Variants in DPYD observed in about 807,000 individuals in gnomAD.
DPYD encodes dihydropyrimidine dehydrogenase [NADP(+)].
DPYD carries 109 observed loss-of-function variants against 116.2 expected under a neutral mutation model. The observed-to-expected ratio is 0.94, with a 90% CI of 0.80 to 1.10. The LOEUF is 1.10. DPYD is among the 50% of genes least tolerant of loss of function. The pLI, the probability that DPYD is intolerant of heterozygous loss-of-function variation, is 0.00. For synonymous variants in DPYD, 440 were observed against 432.0 expected (o/e 1.02, Z -0.23); for missense variants, 1,302 against 1,254.5 (o/e 1.04, Z -0.57).
At chr1:97,389,129 A>G (rs985283892) in intron 14 of DPYD, among the ~76,000 whole-genome samples, 1 of 151,978 alleles carries the variant, frequency 6.6e-6, no homozygotes, top group African/African-American at 2.4e-5. Flanking sequence ...TATGAGGAAG[A>G]GATAAAATGT....
In DPYD at chr1:97,415,998, A is replaced by G. The variant is rs1224228870; in HGVS notation, c.1906-33537T>C. On this transcript the variant is annotated intron_variant, in intron 14 of 22. Transcript: ENST00000370192. ...TGAGTCGTACTCCTGATTAGTAGAT[A>G]AGGTAACTATTCAATAATACCTGTC... is the stretch of plus-strand genomic sequence containing the variant. 2.0e-5 allele frequency among the ~76,000 whole-genome samples: 3 copies of G among 152,170 alleles called. No individual in the cohort carries two copies. In the East Asian group the frequency reaches 5.8e-4, roughly 29 times the overall value.
intron 20 of DPYD, among the ~76,000 whole-genome samples, chr1:97,142,498 G>T (rs1211127841): frequency 2.0e-5 from 3 of 152,064 alleles, no homozygotes; most frequent in African/African-American, 7.2e-5. Context: ...AGAAACAAAA[G>T]ATTCCAGAGA....
intron 16 of DPYD, among the ~76,000 whole-genome samples, chr1:97,354,076 A>G (rs1558050027): frequency 6.6e-6 from 1 of 152,234 alleles, no homozygotes; most frequent in Non-Finnish European, 1.5e-5. Context: ...AATTGCTGTG[A>G]GAATTAAATG....
At position 97,563,014 on chromosome 1, in the gene DPYD, C is replaced by T. The variant is rs955307518; in HGVS notation, c.1339+10746G>A. 1.3e-5 allele frequency among the ~76,000 whole-genome samples: 2 copies of T among 152,164 alleles called. 1 individual carries two copies. Among genetic ancestry groups the T allele is most frequent in the South Asian group, 4.2e-4 (2 of 4,816 alleles). ...GATTACAGGCGTGAGCCACCATGCC[C>T]GGCCAAATATCTAATTTAACCAGAG... On this transcript the variant is annotated intron_variant, in intron 11 of 22. Transcript: ENST00000370192.
In DPYD at chr1:97,203,672, C is replaced by T. The variant is rs1284540734; in HGVS notation, c.2443-10424G>A. On this transcript the variant is annotated intron_variant, in intron 19 of 22. Coordinates refer to ENST00000370192, the MANE Select transcript of DPYD (RefSeq NM_000110.4). Reference sequence around the variant, plus strand: ...AAAGGATGAGTTCAGACCCCCCCCCCCCAAAAAAAAAAAAAGAGAAAAAGT... The same window carrying T: ...AAAGGATGAGTTCAGACCCCCCCCCTCCAAAAAAAAAAAAAGAGAAAAAGT... Among the ~76,000 whole-genome samples the T allele has an allele frequency of 3.5e-5, 2 of 57,914 alleles. 1 individual carries two copies. The highest frequency in any genetic ancestry group is 7.1e-5 in the Non-Finnish European group (2 of 28,350). 38.0% of individuals were successfully genotyped at this position (57,914 alleles called of 152,430 possible).
At chr1:97,908,154 T>C (rs1032841742) in intron 1 of DPYD, among the ~76,000 whole-genome samples, 1 of 151,948 alleles carries the variant, frequency 6.6e-6, no homozygotes, top group Non-Finnish European at 1.5e-5. Flanking sequence ...CAAGCAATCC[T>C]CCCGCCTCAG....
intron 20 of DPYD, among the ~76,000 whole-genome samples, chr1:97,165,848 A>G (rs1348536465): frequency 6.6e-6 from 1 of 152,188 alleles, no homozygotes; most frequent in Non-Finnish European, 1.5e-5. Flanking sequence ...CATTAGATAA[A>G]TGCAAATCAA....
At chr1:97,384,459 T>A (rs1012665817) in intron 14 of DPYD, among the ~76,000 whole-genome samples, 1 of 152,014 alleles carries the variant, frequency 6.6e-6, no homozygotes, top group Non-Finnish European at 1.5e-5. Flanking sequence ...GTAACTAGCA[T>A]GGTATTTGGC....
At chr1:97,557,078 G>T (rs938346245) in intron 11 of DPYD, among the ~76,000 whole-genome samples, 2 of 151,832 alleles carry the variant, frequency 1.3e-5, no homozygotes, top group Non-Finnish European at 1.5e-5. Context: ...TCTCATTGTG[G>T]TTTTGATTTG....
intron 13 of DPYD, among the ~76,000 whole-genome samples, chr1:97,471,435 G>C (rs1027105406): frequency 6.6e-6 from 1 of 152,188 alleles, no homozygotes; most frequent in Admixed American, 6.5e-5. Context: ...ATGTAACTTG[G>C]GGTCTAAAAC....
At chr1:97,606,416 A>G (rs1655604273) in intron 8 of DPYD, among the ~76,000 whole-genome samples, 1 of 151,992 alleles carries the variant, frequency 6.6e-6, no homozygotes, top group African/African-American at 2.4e-5. Context: ...AGGAGCAGTT[A>G]CAAAGGCACT....
chr1:97,563,900 A>G (rs542535007), intron 11 of DPYD, among the ~76,000 whole-genome samples: 1 of 152,286 alleles, frequency 6.6e-6, no homozygotes, highest in African/African-American at 2.4e-5. Context: ...AAATGCCAGT[A>G]CTTACACTAG....
At chr1:97,422,554 C>T (rs1052346134) in intron 14 of DPYD, among the ~76,000 whole-genome samples, 1 of 152,072 alleles carries the variant, frequency 6.6e-6, no homozygotes, top group African/African-American at 2.4e-5. Flanking sequence ...TTTCAGATGT[C>T]TCATTTCCTA....
At chr1:97,763,533 A>G (rs1273426989) in intron 3 of DPYD, among the ~76,000 whole-genome samples, 1 of 151,982 alleles carries the variant, frequency 6.6e-6, no homozygotes, top group Admixed American at 6.6e-5. Flanking sequence ...GAACTCCTCC[A>G]TCAAGAAAGG....
chr1:97,646,627 T>C (rs1658277923), intron 8 of DPYD, among the ~76,000 whole-genome samples: 1 of 152,136 alleles, frequency 6.6e-6, no homozygotes, highest in African/African-American at 2.4e-5. Context: ...TTGGAAAGTA[T>C]GCTTATCTCT....
At chr1:97,530,057 A>C (rs769137323) in intron 12 of DPYD, among the ~76,000 whole-genome samples, 3 of 151,884 alleles carry the variant, frequency 2.0e-5, no homozygotes, top group Non-Finnish European at 2.9e-5. Context: ...GATGCCTCAT[A>C]TAGAGGGAAT....
Position 97,086,339 on chromosome 1 carries a change from G to A in DPYD, c.2767-3869C>T, listed in dbSNP as rs1426277153. Among the ~76,000 whole-genome samples the A allele has an allele frequency of 2.9e-5, 4 of 139,038 alleles. No individual in the cohort carries two copies. The East Asian group carries it at 6.6e-4, about 23-fold the overall frequency. 91.2% of individuals were successfully genotyped at this position (139,038 alleles called of 152,430 possible). On this transcript the variant is annotated intron_variant, in intron 21 of 22. Transcript: ENST00000370192. ...TGCTGGGATTACAGGCGTGAGCCAC[G>A]GCGCCTGGCCAAGTTTTTTTTTTTT...
chr1:97,609,269 T>C (rs998224344), intron 8 of DPYD, among the ~76,000 whole-genome samples: 2 of 151,972 alleles, frequency 1.3e-5, no homozygotes, highest in African/African-American at 2.4e-5. Flanking sequence ...AAAGGGCCAC[T>C]ACCGGCAATG....
rs368147510 is a variant in DPYD, at chr1:97,234,847, A to G, written c.2442+5T>C. ...TTAAAAGGGACAGACAAACACAATG[A>G]CTACCTGGAGGACGGAAGCACCACT... On this transcript the variant is annotated splice_donor_5th_base_variant and intron_variant, in intron 19 of 22. Coordinates refer to ENST00000370192, the MANE Select transcript of DPYD (RefSeq NM_000110.4). 14 of 1,613,736 alleles carry G rather than the reference A, an allele frequency of 8.7e-6. No individual in the cohort carries two copies. The highest frequency in any genetic ancestry group is 1.0e-5 in the Non-Finnish European group (12 of 1,179,942).
Sources: gnomAD v4.1 joint callset for allele counts (sites outside exome capture counted in the v4.1 genomes callset) on GRCh38, gnomAD v4.1.1 for gene constraint, MANE v1.5 for transcripts, NCBI Gene and HGNC (gene_info 2026-07-23, HGNC 2026-07-21) for gene names.